PABPC4L: variants seen among roughly 807,000 people sequenced by gnomAD.
PABPC4L encodes the protein poly(A) binding protein cytoplasmic 4 like.
For synonymous variants in PABPC4L, 169 were observed against 164.1 expected (o/e 1.03, Z -0.23); for missense variants, 452 against 451.4 (o/e 1.00, Z -0.01).
chr4:134,110,627 A>T, the PABPC4L span, among the ~76,000 whole-genome samples: 1 of 149,974 alleles, frequency 6.7e-6, no homozygotes, highest in Non-Finnish European at 1.5e-5. Flanking sequence ...GGATTAAAAG[A>T]TTGGTTCTAG....
At chr4:134,040,709 A>G in the PABPC4L span, among the ~76,000 whole-genome samples, 5 of 152,198 alleles carry the variant, frequency 3.3e-5, no homozygotes, top group South Asian at 2.1e-4. Flanking sequence ...TGGCAACAAA[A>G]GCCAAAATTG....
At chr4:133,982,876 T>C in the PABPC4L span, among the ~76,000 whole-genome samples, 1 of 152,038 alleles carries the variant, frequency 6.6e-6, no homozygotes, top group Non-Finnish European at 1.5e-5. Context: ...CACATGAAAC[T>C]AATTATTTTG....
At chr4:134,151,991 T>C in the PABPC4L span, among the ~76,000 whole-genome samples, 1 of 151,926 alleles carries the variant, frequency 6.6e-6, no homozygotes. Context: ...TCCATATCAA[T>C]TTAGATATTA....
At chr4:134,084,552 A>T in the PABPC4L span, among the ~76,000 whole-genome samples, 1 of 152,156 alleles carries the variant, frequency 6.6e-6, no homozygotes, top group Non-Finnish European at 1.5e-5. Context: ...GTGACATTAT[A>T]TGCAATTTAT....
chr4:133,981,415 A>G, the PABPC4L span, among the ~76,000 whole-genome samples: 2 of 152,158 alleles, frequency 1.3e-5, no homozygotes, highest in East Asian at 3.9e-4. Context: ...TCTAACCTAT[A>G]TAATAATACA....
the PABPC4L span, among the ~76,000 whole-genome samples, chr4:134,098,356 C>A: frequency 6.6e-6 from 1 of 151,670 alleles, no homozygotes. Flanking sequence ...GAGTTGTTTG[C>A]TAGACATCAT....
chr4:134,172,659 A>G, the PABPC4L span, among the ~76,000 whole-genome samples: 1 of 152,124 alleles, frequency 6.6e-6, no homozygotes, highest in Non-Finnish European at 1.5e-5. Flanking sequence ...AAAACTGGCA[A>G]ATGGGACCTA....
rs760348662 is a variant in PABPC4L at position 134,196,676 on chromosome 4, G to T, written c.*3231C>A. The T allele has an allele frequency of 3.3e-5, 5 of 151,584 alleles. No homozygotes were observed. Among genetic ancestry groups the T allele is most frequent in the African/African-American group, 1.2e-4 (5 of 41,366 alleles). The allele number at this position is 151,584 out of a possible 1,614,324, so 9.4% of individuals were successfully genotyped here. A position where few individuals can be genotyped will look rare whatever the true frequency, so the allele number is the denominator to read the frequency against. ...TTTATTAAGGCACTTGGGCACAAAA[G>T]ATTTAATATTCTTTAATGAATGAAT... On this transcript the variant is annotated 3_prime_UTR_variant, in exon 2 of 2. Transcript: ENST00000421491.
At chr4:133,997,108 A>G in the PABPC4L span, among the ~76,000 whole-genome samples, 16 of 152,086 alleles carry the variant, frequency 1.1e-4, no homozygotes. Context: ...AATCTCCTAC[A>G]ATTAAGGCCT....
At chr4:133,982,374 C>A in the PABPC4L span, among the ~76,000 whole-genome samples, 1 of 151,950 alleles carries the variant, frequency 6.6e-6, no homozygotes, top group Admixed American at 6.6e-5. Flanking sequence ...CTAATGCCAT[C>A]TTAATTCATG....
chr4:134,116,389 C>T, the PABPC4L span, among the ~76,000 whole-genome samples: 2 of 151,780 alleles, frequency 1.3e-5, no homozygotes, highest in African/African-American at 4.8e-5. Context: ...TGTTATAAGA[C>T]ATAGTAACTA....
chr4:134,194,139 G>A (rs542194639), downstream of PABPC4L, among the ~76,000 whole-genome samples: 14 of 151,972 alleles, frequency 9.2e-5, no homozygotes, highest in South Asian at 2.7e-3. Flanking sequence ...GAGTTATGTT[G>A]CCTGCCTTGG....
At chr4:134,089,865 G>A in the PABPC4L span, among the ~76,000 whole-genome samples, 2 of 152,160 alleles carry the variant, frequency 1.3e-5, no homozygotes, top group Middle Eastern at 3.4e-3. Flanking sequence ...ATTGCAGAGA[G>A]TTTGTGCTGA....
the PABPC4L span, among the ~76,000 whole-genome samples, chr4:134,096,715 AAAACAGAGTTTGTTAG>A: frequency 1.4e-4 from 22 of 152,000 alleles, no homozygotes; most frequent in Non-Finnish European, 2.4e-4. Context: ...TAGCCTCAGG[AAAACAGAGTTTGTTAG>A]AAACTAAAGA....
At chr4:134,123,819 A>T in the PABPC4L span, among the ~76,000 whole-genome samples, 1 of 151,930 alleles carries the variant, frequency 6.6e-6, no homozygotes, top group African/African-American at 2.4e-5. Context: ...TAGTTCTTAA[A>T]AAAAAAAAGA....
the PABPC4L span, among the ~76,000 whole-genome samples, chr4:133,993,893 G>T: frequency 6.6e-6 from 1 of 152,076 alleles, no homozygotes; most frequent in Non-Finnish European, 1.5e-5. Context: ...AGTGCACACA[G>T]GGTGGGCTCA....
At chr4:133,975,698 G>A in the PABPC4L span, among the ~76,000 whole-genome samples, 1 of 152,080 alleles carries the variant, frequency 6.6e-6, no homozygotes. Context: ...ATGATGATAA[G>A]GCAATAAAAG....
chr4:134,147,862 T>C, the PABPC4L span, among the ~76,000 whole-genome samples: 1 of 151,934 alleles, frequency 6.6e-6, no homozygotes, highest in Non-Finnish European at 1.5e-5. Flanking sequence ...GGAAAAATGA[T>C]AGGGAAGAAA....
At chr4:134,164,180 G>T in the PABPC4L span, among the ~76,000 whole-genome samples, 2 of 144,920 alleles carry the variant, frequency 1.4e-5, no homozygotes, top group East Asian at 4.0e-4. Flanking sequence ...GGAGAATGGC[G>T]TGAACCCGGG....
Sources: allele counts gnomAD v4.1 joint callset (sites outside exome capture counted in the v4.1 genomes callset), GRCh38; gene constraint gnomAD v4.1.1; transcripts MANE v1.5; gene names NCBI Gene and HGNC (gene_info 2026-07-23, HGNC 2026-07-21).